Variants in LRP1B observed in about 807,000 individuals in gnomAD.
The protein encoded by LRP1B is LDL receptor related protein 1B, also known as low-density lipoprotein receptor-related protein 1B.
Under a neutral mutation model 556.6 loss-of-function variants are expected in LRP1B, and 217 were observed. The ratio of observed to expected loss-of-function variants is 0.39; its 90% confidence interval spans 0.35 to 0.44. LRP1B has a LOEUF of 0.44. LRP1B is among the 20% of genes least tolerant of loss of function. The probability of loss-of-function intolerance (pLI) is 1.00; values close to 1 mark genes in which losing one functional copy is unlikely to be tolerated. For missense variants in LRP1B, 5,053 were observed against 5,620.8 expected (o/e 0.90, Z 3.23); for synonymous variants, 2,047 against 1,865.8 (o/e 1.10, Z -2.50).
intron 86 of LRP1B, among the ~76,000 whole-genome samples, chr2:140,257,999 T>C (rs1681770200): frequency 6.6e-6 from 1 of 152,112 alleles, no homozygotes; most frequent in Non-Finnish European, 1.5e-5. Context: ...GCCAATGTTT[T>C]GAGGAACCAA....
intron 2 of LRP1B, among the ~76,000 whole-genome samples, chr2:141,586,948 A>T (rs1221589769): frequency 6.6e-6 from 1 of 151,280 alleles, no homozygotes; most frequent in Admixed American, 6.6e-5. Flanking sequence ...TCTCAAAAAA[A>T]AAAGAAAAAA....
At chr2:140,623,705 G>C (rs1173331456) in intron 41 of LRP1B, among the ~76,000 whole-genome samples, 1 of 151,824 alleles carries the variant, frequency 6.6e-6, no homozygotes, top group African/African-American at 2.4e-5. Flanking sequence ...GATCACCTGA[G>C]GTCAGGAGTT....
At chr2:140,414,805 G>T (rs1217759243) in intron 66 of LRP1B, among the ~76,000 whole-genome samples, 6 of 152,022 alleles carry the variant, frequency 3.9e-5, no homozygotes, top group Non-Finnish European at 7.4e-5. Flanking sequence ...CCTTGAAAAA[G>T]AACAGAATAA....
At position 141,115,313 on chromosome 2, in the gene LRP1B, T is replaced by C. The variant is rs549830373; in HGVS notation, c.1014-53040A>G. Reference sequence around the variant, plus strand: ...AGATCAGCACACACACAACATGTGATAGGAATAGACAAGGATTCAATAAAC... The same window carrying C: ...AGATCAGCACACACACAACATGTGACAGGAATAGACAAGGATTCAATAAAC... On this transcript the variant is annotated intron_variant, in intron 7 of 90. Coordinates refer to ENST00000389484, the MANE Select transcript of LRP1B (RefSeq NM_018557.3). Among the ~76,000 whole-genome samples, 4 of 152,276 alleles carry C rather than the reference T, an allele frequency of 2.6e-5. No homozygotes were observed. The East Asian group carries it at 7.7e-4, about 29-fold the overall frequency.
intron 27 of LRP1B, among the ~76,000 whole-genome samples, chr2:140,857,473 A>G (rs1181969329): frequency 1.3e-5 from 2 of 152,182 alleles, no homozygotes; most frequent in African/African-American, 2.4e-5. Context: ...TATTTTCCCT[A>G]TGACAGACAT....
At chr2:140,366,786 T>C (rs1019425887) in intron 71 of LRP1B, among the ~76,000 whole-genome samples, 12 of 151,770 alleles carry the variant, frequency 7.9e-5, no homozygotes, top group African/African-American at 2.9e-4. Context: ...AATGCCAACG[T>C]ATCTTTCCAG....
chr2:140,855,905 TA>T (rs1241363208), intron 27 of LRP1B, among the ~76,000 whole-genome samples: 1 of 152,192 alleles, frequency 6.6e-6, no homozygotes, highest in Non-Finnish European at 1.5e-5. Flanking sequence ...AGCATTTTTT[TA>T]TTTCATTTTC....
At chr2:141,740,911 C>A (rs952489941) in intron 2 of LRP1B, among the ~76,000 whole-genome samples, 2 of 152,108 alleles carry the variant, frequency 1.3e-5, no homozygotes, top group Non-Finnish European at 2.9e-5. Flanking sequence ...CCCCTACCCC[C>A]CAACCCACTA....
chr2:141,205,444 T>C (rs1263954900), intron 6 of LRP1B, among the ~76,000 whole-genome samples: 1 of 152,186 alleles, frequency 6.6e-6, no homozygotes, highest in Non-Finnish European at 1.5e-5. Context: ...CCACATGGAA[T>C]GGGGTGGAAC....
Position 140,487,759 on chromosome 2 carries a change from T to C in LRP1B, c.9121-20A>G, listed in dbSNP as rs773252552. 1 of 1,451,752 alleles carries C rather than the reference T, an allele frequency of 6.9e-7. No individual in the cohort carries two copies. Among genetic ancestry groups the C allele is most frequent in the Non-Finnish European group, 9.5e-7 (1 of 1,055,998 alleles). The allele number at this position is 1,451,752 out of a possible 1,614,324, so 89.9% of individuals were successfully genotyped here. ...TAATCCCTGAAAATAAAAAAGACTA[T>C]GTTGTCAATGATAGTTCATAGAAAT... On this transcript the variant is annotated intron_variant, in intron 57 of 90. Coordinates refer to ENST00000389484, the MANE Select transcript of LRP1B (RefSeq NM_018557.3).
chr2:141,410,925 T>C (rs1185308693), intron 3 of LRP1B, among the ~76,000 whole-genome samples: 1 of 152,024 alleles, frequency 6.6e-6, no homozygotes, highest in Non-Finnish European at 1.5e-5. Context: ...ATTCTTGCTA[T>C]TCTAAGTATT....
intron 2 of LRP1B, among the ~76,000 whole-genome samples, chr2:141,480,775 T>C (rs1682890721): frequency 6.6e-6 from 1 of 152,192 alleles, no homozygotes; most frequent in Admixed American, 6.6e-5. Context: ...ATAAATATTC[T>C]TTTCAACCAT....
intron 2 of LRP1B, among the ~76,000 whole-genome samples, chr2:141,788,341 A>C (rs1695492867): frequency 6.6e-6 from 1 of 152,010 alleles, no homozygotes; most frequent in Non-Finnish European, 1.5e-5. Flanking sequence ...TTTCTGCTAG[A>C]GTCCCATAAA....
At chr2:141,182,480 T>C (rs1403055383) in intron 7 of LRP1B, among the ~76,000 whole-genome samples, 2 of 151,946 alleles carry the variant, frequency 1.3e-5, no homozygotes. Flanking sequence ...AGAACCTAGG[T>C]TGTTTCAAAT....
At chr2:140,532,491 G>C (rs988034741) in intron 47 of LRP1B, among the ~76,000 whole-genome samples, 1 of 152,058 alleles carries the variant, frequency 6.6e-6, no homozygotes, top group Non-Finnish European at 1.5e-5. Context: ...TCACCTCTCG[G>C]GTTCAAGCGA....
intron 3 of LRP1B, among the ~76,000 whole-genome samples, chr2:141,262,347 T>C (rs574496636): frequency 3.3e-5 from 5 of 152,056 alleles, no homozygotes; most frequent in South Asian, 2.1e-4. Context: ...TTACGAGATA[T>C]ATGATTTGTA....
At chr2:141,223,651 C>T (rs1683129914) in intron 6 of LRP1B, among the ~76,000 whole-genome samples, 1 of 152,126 alleles carries the variant, frequency 6.6e-6, no homozygotes, top group Non-Finnish European at 1.5e-5. Context: ...GCTACAGTAA[C>T]CAAAACTGGT....
At chr2:141,761,667 G>A (rs1306847509) in intron 2 of LRP1B, among the ~76,000 whole-genome samples, 3 of 151,960 alleles carry the variant, frequency 2.0e-5, no homozygotes, top group African/African-American at 7.3e-5. Flanking sequence ...CTCAATCCTT[G>A]GAATCTGACT....
intron 3 of LRP1B, among the ~76,000 whole-genome samples, chr2:141,350,999 T>A (rs1381637807): frequency 3.3e-5 from 5 of 152,124 alleles, no homozygotes; most frequent in East Asian, 3.9e-4. Flanking sequence ...TTTAAAAAAA[T>A]TTCAATACAT....
Sources: allele counts gnomAD v4.1 joint callset (sites outside exome capture counted in the v4.1 genomes callset), GRCh38; gene constraint gnomAD v4.1.1; transcripts MANE v1.5; gene names NCBI Gene and HGNC (gene_info 2026-07-23, HGNC 2026-07-21).